UBE3D: variants seen among roughly 807,000 people sequenced by gnomAD.
The protein encoded by UBE3D is E3 ubiquitin-protein ligase E3D.
Under a neutral mutation model 49.6 loss-of-function variants are expected in UBE3D, and 48 were observed. The observed-to-expected ratio is 0.97, with a 90% confidence interval of 0.77 to 1.23. The LOEUF is 1.23. Among genes scored for constraint, UBE3D ranks in the 50% most tolerant of loss-of-function variants. The probability of loss-of-function intolerance (pLI) is 0.00; values close to 1 mark genes in which losing one functional copy is unlikely to be tolerated. For missense variants in UBE3D, 452 were observed against 468.4 expected (o/e 0.96, Z 0.32); for synonymous variants, 189 against 174.2 (o/e 1.08, Z -0.67).
In UBE3D at chr6:82,957,167, T is replaced by C. The variant is rs750817260; in HGVS notation, c.1149+145A>G. On this transcript the variant is annotated intron_variant, in intron 9 of 9. Coordinates refer to ENST00000369747, the MANE Select transcript of UBE3D (RefSeq NM_198920.3). ...AACAAACAAACAAACAAAAAACAGA[T>C]AGACAAAGCAATACATGCATTATGC... 197 of 805,528 alleles carry C rather than the reference T, an allele frequency of 2.4e-4. 1 individual carries two copies. The highest frequency in any genetic ancestry group is 3.5e-4 in the Non-Finnish European group (187 of 529,234). The allele number at this position is 805,528 out of a possible 1,614,324, so 49.9% of individuals were successfully genotyped here.
At chr6:83,033,686 T>TC (rs1370138859) in intron 5 of UBE3D, among the ~76,000 whole-genome samples, 1 of 152,106 alleles carries the variant, frequency 6.6e-6, no homozygotes, top group Non-Finnish European at 1.5e-5. Flanking sequence ...TCCTAAGGCC[T>TC]CCCCCAAACC....
rs143800718 is a variant in UBE3D, at chr6:82,907,614, T to C, written c.1150-14572A>G. ...CATGAAAAGGTGCTCATATCATTGG[T>C]TGTTAGGGAAATGCAAATGAAAATC... On this transcript the variant is annotated intron_variant, in intron 9 of 9. Transcript: ENST00000369747. Among the ~76,000 whole-genome samples, 676 of 152,192 alleles carry C rather than the reference T, an allele frequency of 4.4e-3. 7 individuals carry two copies. The highest frequency in any genetic ancestry group is 0.014 in the African/African-American group (601 of 41,506).
chr6:82,980,081 A>T (rs1210315421), intron 8 of UBE3D, among the ~76,000 whole-genome samples: 1 of 152,126 alleles, frequency 6.6e-6, no homozygotes, highest in East Asian at 1.9e-4. Context: ...TTTTGATAAT[A>T]ATGATTTATT....
chr6:83,056,256 C>T (rs1783810143), intron 2 of UBE3D, among the ~76,000 whole-genome samples: 7 of 152,138 alleles, frequency 4.6e-5, no homozygotes, highest in Admixed American at 4.6e-4. Context: ...TCTATTCCTC[C>T]ATCTCTAAAA....
At chr6:82,931,120 G>A (rs1004571452) in intron 9 of UBE3D, among the ~76,000 whole-genome samples, 3 of 152,196 alleles carry the variant, frequency 2.0e-5, no homozygotes, top group Admixed American at 2.0e-4. Context: ...GGCTTCAGAG[G>A]GTGCAAGCCC....
intron 8 of UBE3D, among the ~76,000 whole-genome samples, chr6:82,962,092 C>A (rs1776599597): frequency 6.6e-6 from 1 of 151,354 alleles, no homozygotes; most frequent in Non-Finnish European, 1.5e-5. Flanking sequence ...GTGAAAATAA[C>A]CATGTGATGA....
At chr6:83,005,671 G>T (rs1779926644) in intron 8 of UBE3D, among the ~76,000 whole-genome samples, 1 of 150,972 alleles carries the variant, frequency 6.6e-6, no homozygotes, top group Non-Finnish European at 1.5e-5. Context: ...GGGCCTCAAA[G>T]AGATATTTGC....
intron 9 of UBE3D, among the ~76,000 whole-genome samples, chr6:82,906,092 A>G (rs1465261916): frequency 6.6e-6 from 1 of 152,174 alleles, no homozygotes; most frequent in Non-Finnish European, 1.5e-5. Context: ...CCTTAATATA[A>G]CCAAATATCC....
At chr6:83,000,217 AG>A (rs1051464496) in intron 8 of UBE3D, among the ~76,000 whole-genome samples, 1 of 152,200 alleles carries the variant, frequency 6.6e-6, no homozygotes, top group Non-Finnish European at 1.5e-5. Context: ...TTACAAATCC[AG>A]CCCCAACCTT....
intron 1 of UBE3D, among the ~76,000 whole-genome samples, chr6:83,058,961 A>G (rs1316336752): frequency 2.0e-5 from 3 of 152,236 alleles, no homozygotes; most frequent in Non-Finnish European, 2.9e-5. Context: ...GATCCTCTAA[A>G]ACAAGAGTCA....
chr6:82,951,767 C>A (rs1273842591), intron 9 of UBE3D, among the ~76,000 whole-genome samples: 3 of 152,164 alleles, frequency 2.0e-5, no homozygotes, highest in Admixed American at 6.5e-5. Flanking sequence ...AAAGGCAGAT[C>A]TTGTTCCTAC....
chr6:83,025,113 C>T (rs1253986374), intron 5 of UBE3D, among the ~76,000 whole-genome samples: 2 of 152,100 alleles, frequency 1.3e-5, no homozygotes, highest in Non-Finnish European at 2.9e-5. Flanking sequence ...CAGATTATTC[C>T]AATTGTTGCC....
chr6:82,966,371 C>T (rs1333279187), intron 8 of UBE3D, among the ~76,000 whole-genome samples: 1 of 72,022 alleles, frequency 1.4e-5, no homozygotes, highest in Non-Finnish European at 2.9e-5. Flanking sequence ...CCACTGAGGG[C>T]CGGGCGCGGT....
chr6:82,887,223 G>A, the UBE3D span, among the ~76,000 whole-genome samples: 10 of 150,984 alleles, frequency 6.6e-5, no homozygotes, highest in Non-Finnish European at 1.5e-4. Flanking sequence ...GGAGGCTGAG[G>A]CAGGAGAATC....
chr6:82,927,056 GT>G (rs1233350163), intron 9 of UBE3D, among the ~76,000 whole-genome samples: 1 of 151,980 alleles, frequency 6.6e-6, no homozygotes, highest in Non-Finnish European at 1.5e-5. Context: ...TAGATTCATT[GT>G]TTTTGTACGT....
At chr6:83,014,840 A>G (rs1780584812) in intron 8 of UBE3D, among the ~76,000 whole-genome samples, 1 of 152,162 alleles carries the variant, frequency 6.6e-6, no homozygotes, top group African/African-American at 2.4e-5. Flanking sequence ...AAGTCTGGAA[A>G]TTGATTGAGG....
At chr6:82,988,993 T>C (rs1046181664) in intron 8 of UBE3D, among the ~76,000 whole-genome samples, 19 of 151,928 alleles carry the variant, frequency 1.3e-4, no homozygotes, top group African/African-American at 4.6e-4. Flanking sequence ...TACACAAAAA[T>C]AGAATTAGAA....
chr6:82,945,244 A>G (rs989313639), intron 9 of UBE3D, among the ~76,000 whole-genome samples: 5 of 152,242 alleles, frequency 3.3e-5, no homozygotes, highest in Admixed American at 1.3e-4. Flanking sequence ...CCTCAGCCCC[A>G]GGTGGCTCAG....
intron 1 of UBE3D, among the ~76,000 whole-genome samples, chr6:83,061,362 A>G (rs532675796): frequency 3.9e-5 from 6 of 152,238 alleles, no homozygotes; most frequent in Non-Finnish European, 8.8e-5. Flanking sequence ...GACAACTGGT[A>G]AAACATGAAT....
Sources: allele counts gnomAD v4.1 joint callset (sites outside exome capture counted in the v4.1 genomes callset), GRCh38; gene constraint gnomAD v4.1.1; transcripts MANE v1.5; gene names NCBI Gene and HGNC (gene_info 2026-07-23, HGNC 2026-07-21).